CRLF2: variants seen among roughly 807,000 people sequenced by gnomAD.
CRLF2 encodes the protein cytokine receptor like factor 2, also known as cytokine receptor-like factor 2.
CRLF2 carries 41 observed loss-of-function variants against 38.7 expected under a neutral mutation model. The observed-to-expected ratio is 1.06, with a 90% CI of 0.83 to 1.37. The LOEUF is 1.37. Among genes scored for constraint, CRLF2 ranks in the 40% most tolerant of loss-of-function variants. CRLF2 has a pLI of 0.00. For missense variants in CRLF2, 377 were observed against 322.2 expected (o/e 1.17, Z -1.30); for synonymous variants, 140 against 128.8 (o/e 1.09, Z -0.59).
chrX:1,212,289 C>T (rs111940828), intron 1 of CRLF2, among the ~76,000 whole-genome samples: 64,055 of 151,182 alleles, frequency 0.42, 14,671 homozygotes, highest in African/African-American at 0.6. Flanking sequence ...TAGTTCTGGC[C>T]ACCGAAAGCT....
chrX:1,208,885 T>G lies in CRLF2; in HGVS notation c.103A>C (p.Ile35Leu). 1 of 1,608,492 alleles carries G rather than the reference T, an allele frequency of 6.2e-7. No homozygotes were observed. Among genetic ancestry groups the G allele is most frequent in the Non-Finnish European group, 8.5e-7 (1 of 1,174,862 alleles). ...TGCACGGTTTCTAAATTGAAGTAGATGATCTGAATCTGTACTCCTTCTGCT... is the reference window on the plus strand; with the variant it reads ...TGCACGGTTTCTAAATTGAAGTAGAGGATCTGAATCTGTACTCCTTCTGCT... ...GAAEGVQIQIIYFNLETVQVT... is the reference protein window; with the variant it reads ...GAAEGVQIQILYFNLETVQVT... The change falls in exon 2 of 8, where the codon ATC (isoleucine) becomes CTC (leucine). Residue 35 changes from isoleucine to leucine, a missense_variant. Physicochemically the swap from Ile to Leu is conservative, Grantham distance 5. Transcript: ENST00000400841.
At chrX:1,208,785 C>A (rs1326123639) in intron 2 of CRLF2, 21 bp downstream of exon 2, 1 of 1,473,056 alleles carries the variant, frequency 6.8e-7, no homozygotes, top group East Asian at 2.3e-5. Context: ...GCGTGGGGTT[C>A]GCTTTCTGGG....
At chrX:1,198,901 C>A (rs1444354709) in intron 4 of CRLF2, 177 bp from the exon 5 acceptor site, 2 of 664,664 alleles carry the variant, frequency 3.0e-6, no homozygotes, top group Admixed American at 2.6e-5. Context: ...GTAAACCCAA[C>A]GCTTTGGGAG....
Position 1,202,665 on chromosome X carries a change from G to C in CRLF2, c.350-130C>G, listed in dbSNP as rs183207322. The C allele has an allele frequency of 2.2e-4, 235 of 1,062,654 alleles. No homozygotes were observed. The African/African-American group carries it at 3.3e-3, about 15-fold the overall frequency. The allele number at this position is 1,062,654 out of a possible 1,614,324, so 65.8% of individuals were successfully genotyped here. On this transcript the variant is annotated intron_variant, in intron 3 of 7. Coordinates refer to ENST00000400841, the MANE Select transcript of CRLF2 (RefSeq NM_022148.4). ...CCTTATGGTGTCTCGGGGTTCACCC[G>C]TCCTCATTACTTTTATAGGAGAAGC... is the stretch of plus-strand genomic sequence containing the variant.
chrX:1,199,989 GTA>G (rs781506673), intron 4 of CRLF2, among the ~76,000 whole-genome samples: 2 of 151,220 alleles, frequency 1.3e-5, no homozygotes, highest in African/African-American at 4.9e-5. Flanking sequence ...ATATACGTGT[GTA>G]TATATATGTG....
Position 1,191,043 on chromosome X carries a change from G to A in CRLF2, c.970C>T (p.Pro324Ser). 2.5e-6 allele frequency: 1 copy of A among 398,680 alleles called. No homozygotes were observed. The highest frequency in any genetic ancestry group is 4.4e-6 in the Non-Finnish European group (1 of 226,144). 24.7% of individuals were successfully genotyped at this position (398,680 alleles called of 1,614,324 possible). A position where few individuals can be genotyped will look rare whatever the true frequency, so the allele number is the denominator to read the frequency against. ...VQLAKTEAES[P>S]RMLDPQTEEK... is the part of the protein sequence containing the mutation. ...TCGGTCTGTGGGTCCAGCATCCTGG[G>A]AGACTCGGCTTCAGTCTTGGCCAAC... The change falls in exon 8 of 8, where the codon CCC (proline) becomes TCC (serine). Residue 324 changes from proline to serine, a missense_variant. Physicochemically the swap from Pro to Ser is moderately conservative, Grantham distance 74. Transcript: ENST00000400841.
At chrX:1,206,735 C>A (rs2086697788) in intron 2 of CRLF2, 136 bp from the exon 3 acceptor site, 3 of 748,064 alleles carry the variant, frequency 4.0e-6, no homozygotes, top group South Asian at 3.5e-5. Flanking sequence ...CTCTGCCTCC[C>A]GGGTTCAAGC....
At chrX:1,191,346 C>CTTTCTTTCTTTCTTTCTTTCTTTCTTTCT (rs1491422134) in intron 7 of CRLF2, among the ~76,000 whole-genome samples, 186 bp from the exon 8 acceptor site, 1 of 44,704 alleles carries the variant, frequency 2.2e-5, no homozygotes, top group Admixed American at 2.4e-4. Context: ...TCTTTCTTTC[C>CTTTCTTTCTTTCTTTCTTTCTTTCTTTCT]TTCTTTCTTT....
intron 4 of CRLF2, chrX:1,199,161 G>C (rs1177444670): frequency 8.7e-5 from 19 of 218,234 alleles, no homozygotes; most frequent in Non-Finnish European, 1.7e-4. Flanking sequence ...AAAAGAAAAA[G>C]AGATGGGGTC....
intron 4 of CRLF2, chrX:1,199,188 G>T: frequency 5.4e-6 from 1 of 184,988 alleles, no homozygotes; most frequent in Non-Finnish European, 1.2e-5. Flanking sequence ...TGTTGCCCAA[G>T]CTGGTCAACA....
chrX:1,207,796 C>T (rs1288427658), intron 2 of CRLF2, among the ~76,000 whole-genome samples: 1 of 150,878 alleles, frequency 6.6e-6, no homozygotes, highest in Non-Finnish European at 1.5e-5. Context: ...ATTACAGGCA[C>T]CTGCCGCCAC....
chrX:1,209,297 T>C lies in CRLF2; in HGVS notation c.80-389A>G, dbSNP rs1432586532. On this transcript the variant is annotated intron_variant, in intron 1 of 7. Coordinates refer to ENST00000400841, the MANE Select transcript of CRLF2 (RefSeq NM_022148.4). ...TATTGCATTGTATTGCATTGTATTG[T>C]AGTGTAGTGTAGTGTAGTGTAGTGT... 3.6e-3 allele frequency among the ~76,000 whole-genome samples: 231 copies of C among 64,898 alleles called. 1 individual carries two copies. The highest frequency in any genetic ancestry group is 0.021 in the African/African-American group (216 of 10,286). The allele number at this position is 64,898 out of a possible 152,430, so 42.6% of individuals were successfully genotyped here.
At chrX:1,209,954 A>G (rs2086765684) in intron 1 of CRLF2, among the ~76,000 whole-genome samples, 1 of 151,728 alleles carries the variant, frequency 6.6e-6, no homozygotes, top group Non-Finnish European at 1.5e-5. Context: ...ACACAAAAAA[A>G]TGAGCTGGAC....
chrX:1,195,817 A>ATATATAT (rs1361023012), intron 6 of CRLF2, among the ~76,000 whole-genome samples: 103,266 of 134,602 alleles, frequency 0.77, 39,607 homozygotes, highest in East Asian at 0.84. Flanking sequence ...ATATTAAATT[A>ATATATAT]TATATATTAT....
intron 2 of CRLF2, among the ~76,000 whole-genome samples, chrX:1,207,221 C>T (rs1185116111): frequency 6.6e-6 from 1 of 151,964 alleles, no homozygotes; most frequent in Non-Finnish European, 1.5e-5. Flanking sequence ...GCTGGGATTA[C>T]AGGCGTGAGC....
intron 1 of CRLF2, among the ~76,000 whole-genome samples, chrX:1,209,300 TGTAGTGTAGTGTAG>T: frequency 1.6e-5 from 1 of 64,312 alleles, no homozygotes; most frequent in African/African-American, 1.0e-4. Context: ...TGTATTGTAG[TGTAGTGTAGTGTAG>T]TGTAGTGTAG....
At chrX:1,205,829 A>T (rs1384129784) in intron 3 of CRLF2, among the ~76,000 whole-genome samples, 3 of 151,256 alleles carry the variant, frequency 2.0e-5, no homozygotes, top group Admixed American at 6.6e-5. Flanking sequence ...AGTGACTTGC[A>T]TGAGCTTGCT....
intron 1 of CRLF2, among the ~76,000 whole-genome samples, chrX:1,211,970 G>A (rs1419860005): frequency 3.3e-5 from 5 of 150,860 alleles, no homozygotes; most frequent in Middle Eastern, 3.4e-3. Context: ...ATAGATGGGT[G>A]GATGGGAGGA....
At chrX:1,191,313 C>CT (rs1478707566) in intron 7 of CRLF2, among the ~76,000 whole-genome samples, 153 bp from the exon 8 acceptor site, 1 of 112,138 alleles carries the variant, frequency 8.9e-6, no homozygotes, top group Non-Finnish European at 1.8e-5. Context: ...TTCTTTCTTT[C>CT]TTTCTTTCTT....
Sources: gnomAD v4.1 joint callset for allele counts (sites outside exome capture counted in the v4.1 genomes callset) on GRCh38, gnomAD v4.1.1 for gene constraint, MANE v1.5 for transcripts, NCBI Gene and HGNC (gene_info 2026-07-23, HGNC 2026-07-21) for gene names.